Variants in GLS observed in about 807,000 individuals in gnomAD.
GLS encodes the protein glutaminase, also known as glutaminase kidney isoform, mitochondrial.
GLS carries 36 observed loss-of-function variants against 86.7 expected under a neutral mutation model. The ratio of observed to expected loss-of-function variants is 0.42; its 90% CI spans 0.32 to 0.55. The LOEUF is 0.55. Among genes scored for constraint, GLS ranks in the 20% least tolerant of loss-of-function variants. The pLI, the probability that GLS is intolerant of heterozygous loss-of-function variation, is 0.17. For missense variants in GLS, 528 were observed against 833.4 expected (o/e 0.63, Z 4.51); for synonymous variants, 317 against 305.9 (o/e 1.04, Z -0.38).
intron 14 of GLS, among the ~76,000 whole-genome samples, chr2:190,952,479 AC>A (rs777253717): frequency 2.0e-5 from 3 of 152,164 alleles, no homozygotes; most frequent in Non-Finnish European, 4.4e-5. Flanking sequence ...TCTGCAAATT[AC>A]ACTTTGAAAA....
Position 190,895,596 on chromosome 2 carries a change from A to T in GLS, c.484-8A>T. 1 of 1,579,820 alleles carries T rather than the reference A, an allele frequency of 6.3e-7. No homozygotes were observed. The highest frequency in any genetic ancestry group is 8.7e-7 in the Non-Finnish European group (1 of 1,156,030). On this transcript the variant is annotated splice_polypyrimidine_tract_variant and splice_region_variant and intron_variant, in intron 2 of 17. Coordinates refer to ENST00000320717, the MANE Select transcript of GLS (RefSeq NM_014905.5). The surrounding 1 kb of genome is among the most constrained non-coding windows in gnomAD (Gnocchi z 4.2). The stretch of plus-strand genomic sequence containing the variant: ...TATATTTACAAACTCTTATTTTTTT[A>T]AAAACAGGCACTCAAATCTACAGGA...
chr2:190,899,360 C>T (rs1443882471), intron 3 of GLS, among the ~76,000 whole-genome samples: 1 of 151,892 alleles, frequency 6.6e-6, no homozygotes, highest in Non-Finnish European at 1.5e-5. Flanking sequence ...ATGACTGAAA[C>T]AATAGTCATT....
rs928397115 is a variant in GLS, at chr2:190,897,442, T to C, written c.605+1717T>C. On this transcript the variant is annotated intron_variant, in intron 3 of 17. Transcript: ENST00000320717. The surrounding 1 kb of genome is among the most constrained non-coding windows in gnomAD (Gnocchi z 4.3). Reference sequence around the variant, plus strand: ...GCCTGCAATTAAGAGATAGTAATTATTGTTTTAAACACTAATCCAATTTTT... The same window carrying C: ...GCCTGCAATTAAGAGATAGTAATTACTGTTTTAAACACTAATCCAATTTTT... Among the ~76,000 whole-genome samples the C allele has an allele frequency of 1.3e-5, 2 of 152,236 alleles. No homozygotes were observed. The highest frequency in any genetic ancestry group is 4.8e-5 in the African/African-American group (2 of 41,464).
rs569682925 is a variant in GLS, at chr2:190,958,179, C to G, written c.1853+3361C>G. Among the ~76,000 whole-genome samples, 3 of 152,266 alleles carry G rather than the reference C, an allele frequency of 2.0e-5. No homozygotes were observed. In the East Asian group the frequency reaches 5.8e-4, roughly 29 times the overall value. On this transcript the variant is annotated intron_variant, in intron 17 of 17. Transcript: ENST00000320717. Reference sequence around the variant, plus strand: ...TTAGACTTGGGAGGGTGTATGTGTCCAGGAATTTATCAATTTCTTCTAGAT... The same window carrying G: ...TTAGACTTGGGAGGGTGTATGTGTCGAGGAATTTATCAATTTCTTCTAGAT...
Position 190,895,601 on chromosome 2 carries a change from C to T in GLS, c.484-3C>T. ...TTACAAACTCTTATTTTTTTAAAAA[C>T]AGGCACTCAAATCTACAGGATTGCG... On this transcript the variant is annotated splice_polypyrimidine_tract_variant and splice_region_variant and intron_variant, in intron 2 of 17. Coordinates refer to ENST00000320717, the MANE Select transcript of GLS (RefSeq NM_014905.5). This position sits in a 1 kb window ranked among gnomAD's most constrained non-coding sequence, Gnocchi z 4.2. The T allele has an allele frequency of 6.3e-7, 1 of 1,582,816 alleles. No individual in the cohort carries two copies. The highest frequency in any genetic ancestry group is 8.6e-7 in the Non-Finnish European group (1 of 1,158,586).
chr2:190,890,842 C>T (rs1027682015), intron 1 of GLS, among the ~76,000 whole-genome samples: 1 of 151,678 alleles, frequency 6.6e-6, no homozygotes, highest in Non-Finnish European at 1.5e-5. Flanking sequence ...TTCATTGTCT[C>T]ATAGGTTTAC....
Position 190,949,924 on chromosome 2 carries a change from TA to T in GLS, c.1651-3636del, listed in dbSNP as rs1230183568. ...GAGAGAGACAAAAAACAAGTATATA[TA>T]AAAATATATATACTTTATATATAGT... is the stretch of plus-strand genomic sequence containing the variant. On this transcript the variant is annotated intron_variant, in intron 14 of 17. Coordinates refer to ENST00000320717, the MANE Select transcript of GLS (RefSeq NM_014905.5). This position sits in a 1 kb window ranked among gnomAD's most constrained non-coding sequence, Gnocchi z 4.0. Among the ~76,000 whole-genome samples the T allele has an allele frequency of 2.0e-5, 3 of 149,590 alleles. No individual in the cohort carries two copies. Among genetic ancestry groups the T allele is most frequent in the African/African-American group, 7.4e-5 (3 of 40,734 alleles).
rs945204463 is a variant in GLS, at chr2:190,900,706, A to T, written c.735+13A>T. The T allele has an allele frequency of 1.3e-6, 2 of 1,595,612 alleles. No individual in the cohort carries two copies. Among genetic ancestry groups the T allele is most frequent in the Admixed American group, 1.7e-5 (1 of 59,498 alleles). On this transcript the variant is annotated intron_variant, in intron 4 of 17. Transcript: ENST00000320717. ...GTCTGGAGGAAAGGTAATGCTTTTG[A>T]TGTACATATTTTCATAACCGAATCA... is the stretch of plus-strand genomic sequence containing the variant.
At chr2:190,916,707 A>G (rs1178694634) in intron 7 of GLS, among the ~76,000 whole-genome samples, 4 of 152,202 alleles carry the variant, frequency 2.6e-5, no homozygotes, top group African/African-American at 4.8e-5. Flanking sequence ...CAATTATTCA[A>G]TACAGGCATA....
At position 190,930,810 on chromosome 2, in the gene GLS, T is replaced by C. The variant is rs1445480258; in HGVS notation, c.1557+242T>C. ...GCTAATATTTTAATTTTCATGGTTATAATTAGTATGAATTTTCAAAAGCTC... is the reference window on the plus strand; with the variant it reads ...GCTAATATTTTAATTTTCATGGTTACAATTAGTATGAATTTTCAAAAGCTC... On this transcript the variant is annotated intron_variant, in intron 13 of 17. Transcript: ENST00000320717. The surrounding 1 kb of genome is among the most constrained non-coding windows in gnomAD (Gnocchi z 5.0). 6.6e-6 allele frequency among the ~76,000 whole-genome samples: 1 copy of C among 152,194 alleles called. No homozygotes were observed. The highest frequency in any genetic ancestry group is 1.5e-5 in the Non-Finnish European group (1 of 68,028).
chr2:190,911,093 T>C (rs1689344271), intron 7 of GLS, among the ~76,000 whole-genome samples: 1 of 151,278 alleles, frequency 6.6e-6, no homozygotes, highest in African/African-American at 2.4e-5. Context: ...TTTATTTATA[T>C]TTAAATAAAT....
In GLS at chr2:190,881,223, G is replaced by A. The variant is rs1178634717; in HGVS notation, c.139G>A (p.Gly47Ser). The change falls in exon 1 of 18, where the codon GGC (glycine) becomes AGC (serine). Residue 47 changes from glycine (G) to serine (S), a missense_variant. Transcript: ENST00000320717. The part of the protein sequence containing the change: ...RPRGGGRPAA[G>S]PAAAARLHPW... Reference sequence around the variant, plus strand: ...CCGAGGCGGGGGACGGCCGGCCGCGGGCCCGGCTGCCGCCGCGCGACTCCA... The same window carrying A: ...CCGAGGCGGGGGACGGCCGGCCGCGAGCCCGGCTGCCGCCGCGCGACTCCA... 8.0e-7 allele frequency: 1 copy of A among 1,246,288 alleles called. No individual in the cohort carries two copies. The highest frequency in any genetic ancestry group is 3.5e-5 in the South Asian group (1 of 28,838). 77.2% of individuals were successfully genotyped at this position (1,246,288 alleles called of 1,614,324 possible).
intron 11 of GLS, among the ~76,000 whole-genome samples, chr2:190,926,051 T>C (rs1161904366): frequency 1.3e-5 from 2 of 152,184 alleles, no homozygotes; most frequent in African/African-American, 4.8e-5. Flanking sequence ...CTATACTTCA[T>C]TGCAAAAATC....
Position 190,900,067 on chromosome 2 carries a change from AAAC to A in GLS, c.606-494_606-492del, listed in dbSNP as rs535702017. Among the ~76,000 whole-genome samples, 16 of 152,310 alleles carry A rather than the reference AAAC, an allele frequency of 1.1e-4. No homozygotes were observed. The South Asian group carries it at 3.3e-3, about 32-fold the overall frequency. On this transcript the variant is annotated intron_variant, in intron 3 of 17. Coordinates refer to ENST00000320717, the MANE Select transcript of GLS (RefSeq NM_014905.5). ...ATTTAAGACATAAATTAATCTGACT[AAAC>A]AAAGTTGATATAATTAAGGAAAATA...
At chr2:190,916,981 A>C (rs539475007) in intron 7 of GLS, among the ~76,000 whole-genome samples, 5 of 152,304 alleles carry the variant, frequency 3.3e-5, no homozygotes, top group African/African-American at 1.2e-4. Flanking sequence ...ATGACTACTG[A>C]CTGATAATGG....
At chr2:190,888,832 A>G (rs904451190) in intron 1 of GLS, among the ~76,000 whole-genome samples, 1 of 152,114 alleles carries the variant, frequency 6.6e-6, no homozygotes, top group Non-Finnish European at 1.5e-5. Context: ...TACTTTAGCT[A>G]TCCTCCTTCA....
At chr2:190,886,293 A>C (rs1383439750) in intron 1 of GLS, among the ~76,000 whole-genome samples, 1 of 152,198 alleles carries the variant, frequency 6.6e-6, no homozygotes, top group Non-Finnish European at 1.5e-5. Context: ...CATGATCTGT[A>C]ATTAACAAAC....
At chr2:190,882,193 G>A (rs1402733523) in intron 1 of GLS, 3 of 152,158 alleles carry the variant, frequency 2.0e-5, no homozygotes, top group Non-Finnish European at 2.9e-5. Flanking sequence ...CGTGAGATGG[G>A]GAGATTTTTA....
At chr2:190,890,929 A>G (rs530001476) in intron 1 of GLS, among the ~76,000 whole-genome samples, 1 of 152,250 alleles carries the variant, frequency 6.6e-6, no homozygotes, top group East Asian at 1.9e-4. Flanking sequence ...GAAGCTTTAT[A>G]GTTTGGGGAG....
Sources: allele counts gnomAD v4.1 joint callset (sites outside exome capture counted in the v4.1 genomes callset), GRCh38; gene constraint gnomAD v4.1.1; non-coding constraint Gnocchi (gnomAD v3.1); transcripts MANE v1.5; gene names NCBI Gene and HGNC (gene_info 2026-07-23, HGNC 2026-07-21).